The following RAB6A variants were observed in gnomAD, a reference collection of about 807,000 sequenced individuals.
RAB6A encodes ras-related protein Rab-6A.
In RAB6A, 8 loss-of-function variants were observed where a neutral mutation model predicts 32.3. The observed-to-expected ratio is 0.25, with a 90% CI of 0.15 to 0.45. The LOEUF (loss-of-function observed/expected upper bound fraction) is 0.45. RAB6A is among the 20% of genes least tolerant of loss of function. RAB6A has a pLI of 1.00. For synonymous variants in RAB6A, 73 were observed against 82.1 expected, an observed-to-expected ratio of 0.89 and a Z score of 0.60; for missense variants, 104 against 249.4, an observed-to-expected ratio of 0.42 and a Z score of 3.93.
intron 5 of RAB6A, among the ~76,000 whole-genome samples, chr11:73,715,477 C>A (rs1020731719): frequency 1.7e-4 from 26 of 152,194 alleles, no homozygotes; most frequent in African/African-American, 6.0e-4. Flanking sequence ...TTCATATCTC[C>A]ACAAGTCTTT....
chr11:73,729,324 C>A (rs1237377380), intron 2 of RAB6A: 2 of 152,286 alleles, frequency 1.3e-5, no homozygotes, highest in Non-Finnish European at 2.9e-5. Context: ...GTCTTGTACT[C>A]CTGACCTCAG....
intron 5 of RAB6A, among the ~76,000 whole-genome samples, chr11:73,709,969 T>C (rs1184666672): frequency 1.1e-5 from 1 of 94,692 alleles, no homozygotes; most frequent in Admixed American, 1.2e-4. Context: ...ATATTTTTTT[T>C]TTTTTTTGAG....
At chr11:73,706,085 A>G (rs575148141) in intron 6 of RAB6A, among the ~76,000 whole-genome samples, 2 of 152,346 alleles carry the variant, frequency 1.3e-5, no homozygotes, top group Non-Finnish European at 2.9e-5. Context: ...ATCATTCAAT[A>G]TTACTTACAT....
intron 1 of RAB6A, among the ~76,000 whole-genome samples, chr11:73,731,683 AT>A (rs1234171339): frequency 0.45 from 13,486 of 30,174 alleles, 1,917 homozygotes; most frequent in East Asian, 0.59. Context: ...ATAGATAGAT[AT>A]TATATATATA....
chr11:73,736,820 A>AC (rs1555066474), intron 1 of RAB6A, among the ~76,000 whole-genome samples: 2 of 144,678 alleles, frequency 1.4e-5, no homozygotes, highest in African/African-American at 2.6e-5. Flanking sequence ...AAAAAAAAAA[A>AC]AAAAAACAAT....
At chr11:73,752,271 AAC>A (rs1423840220) in intron 1 of RAB6A, among the ~76,000 whole-genome samples, 1 of 152,174 alleles carries the variant, frequency 6.6e-6, no homozygotes, top group Non-Finnish European at 1.5e-5. Context: ...CAGTCTGACA[AAC>A]AGTGAAATCA....
chr11:73,752,775 A>G (rs1253710061), intron 1 of RAB6A, among the ~76,000 whole-genome samples: 1 of 151,950 alleles, frequency 6.6e-6, no homozygotes, highest in South Asian at 2.1e-4. Context: ...CTGAGATTGC[A>G]CCACTGCACT....
chr11:73,713,058 A>T (rs1483770905), intron 5 of RAB6A, among the ~76,000 whole-genome samples: 1 of 151,942 alleles, frequency 6.6e-6, no homozygotes, highest in Non-Finnish European at 1.5e-5. Context: ...CATCTTGTTC[A>T]TCTTATCTTA....
intron 6 of RAB6A, among the ~76,000 whole-genome samples, chr11:73,703,475 C>T (rs1323667956): frequency 6.6e-6 from 1 of 152,222 alleles, no homozygotes; most frequent in African/African-American, 2.4e-5. Flanking sequence ...GATACAGTGG[C>T]TCACGCCTGT....
At chr11:73,737,927 C>T (rs551150423) in intron 1 of RAB6A, among the ~76,000 whole-genome samples, 2 of 128,106 alleles carry the variant, frequency 1.6e-5, no homozygotes, top group South Asian at 2.8e-4. Flanking sequence ...ACCCGGGAGG[C>T]GGAGGTTGCA....
chr11:73,732,095 G>C (rs992214999), intron 1 of RAB6A, among the ~76,000 whole-genome samples: 1 of 151,950 alleles, frequency 6.6e-6, no homozygotes, highest in Admixed American at 6.6e-5. Flanking sequence ...AAAAGTAGTG[G>C]AATGCTGGCA....
At chr11:73,721,225 G>A (rs909784300) in intron 2 of RAB6A, among the ~76,000 whole-genome samples, 5 of 152,044 alleles carry the variant, frequency 3.3e-5, no homozygotes, top group Admixed American at 3.3e-4. Flanking sequence ...TTAAATATTT[G>A]TATTTGAACT....
chr11:73,733,685 A>G (rs1946351823), intron 1 of RAB6A, among the ~76,000 whole-genome samples: 1 of 152,116 alleles, frequency 6.6e-6, no homozygotes, highest in Admixed American at 6.5e-5. Context: ...AATTTCAGAC[A>G]CTACATAGAG....
chr11:73,692,330 G>A (rs1464528503), intron 6 of RAB6A, among the ~76,000 whole-genome samples: 3 of 150,578 alleles, frequency 2.0e-5, no homozygotes, highest in East Asian at 2.0e-4. Flanking sequence ...GTGAAACCCC[G>A]TCTCTACTAA....
rs557101264 is a variant in RAB6A at position 73,685,687 on chromosome 11, G to A, written c.496-5967C>T. 1.7e-3 allele frequency among the ~76,000 whole-genome samples: 248 copies of A among 145,690 alleles called. No homozygotes were observed. The Middle Eastern group carries it at 0.021, about 13-fold the overall frequency. ...TGAGGTCAGGAGTTTGAGACCAGCC[G>A]GGCCAACATGGTGAAACCCCATCTC... On this transcript the variant is annotated intron_variant, in intron 6 of 7. Transcript: ENST00000336083.
intron 6 of RAB6A, among the ~76,000 whole-genome samples, chr11:73,704,911 G>A (rs1394243957): frequency 2.0e-5 from 3 of 150,576 alleles, no homozygotes; most frequent in African/African-American, 7.3e-5. Context: ...CAGGAGAATG[G>A]CGTGAACCTG....
chr11:73,692,969 CAAAACAAAACAAAA>C (rs1590831455), intron 6 of RAB6A, among the ~76,000 whole-genome samples: 1 of 43,204 alleles, frequency 2.3e-5, no homozygotes, highest in Non-Finnish European at 8.0e-5. Context: ...AAAAACAAAA[CAAAACAAAACAAAA>C]AAACAAAAAA....
intron 1 of RAB6A, among the ~76,000 whole-genome samples, chr11:73,744,754 G>C (rs1014512652): frequency 6.6e-6 from 1 of 151,962 alleles, no homozygotes; most frequent in African/African-American, 2.4e-5. Context: ...AGGCGGGCAG[G>C]TCATGAGGTC....
chr11:73,713,863 C>A (rs1946005891), intron 5 of RAB6A, among the ~76,000 whole-genome samples: 1 of 152,048 alleles, frequency 6.6e-6, no homozygotes, highest in Non-Finnish European at 1.5e-5. Flanking sequence ...TTCAACGCAA[C>A]TGACAAATGT....
Sources: allele counts gnomAD v4.1 joint callset (sites outside exome capture counted in the v4.1 genomes callset), GRCh38; gene constraint gnomAD v4.1.1; transcripts MANE v1.5; gene names NCBI Gene and HGNC (gene_info 2026-07-23, HGNC 2026-07-21).